The following HTR2C variants were observed in gnomAD, a reference collection of about 807,000 sequenced individuals.
The protein encoded by HTR2C is 5-hydroxytryptamine (serotonin) receptor 2C, G protein-coupled.
A neutral mutation model predicts 21.0 loss-of-function variants in HTR2C; 5 were observed. That is an observed-to-expected ratio of 0.24 (90% CI 0.12 to 0.50). HTR2C has a LOEUF of 0.50. HTR2C is among the 20% of genes least tolerant of loss of function. The pLI is 0.98. For missense variants in HTR2C, 271 were observed against 371.2 expected, an observed-to-expected ratio of 0.73 and a Z score of 2.22; for synonymous variants, 150 against 145.3, an observed-to-expected ratio of 1.03 and a Z score of -0.23.
At chrX:114,904,331 CTG>C (rs1262319388) in intron 5 of HTR2C, among the ~76,000 whole-genome samples, 1 of 111,885 alleles carries the variant, frequency 8.9e-6, no homozygotes, top group African/African-American at 3.2e-5. Context: ...AGCCTGTGGA[CTG>C]TCTTGTTTCA....
At chrX:114,693,731 G>A (rs1449369493) in intron 2 of HTR2C, among the ~76,000 whole-genome samples, 2 of 111,719 alleles carry the variant, frequency 1.8e-5, no homozygotes, top group Admixed American at 9.5e-5. Flanking sequence ...CTGACCTAGA[G>A]CATAAATATT....
chrX:114,591,292 T>C (rs1331202527), intron 1 of HTR2C, among the ~76,000 whole-genome samples: 1 of 111,643 alleles, frequency 9.0e-6, no homozygotes, highest in Non-Finnish European at 1.9e-5. Context: ...ATCTGGTGTC[T>C]CTCCAACAAA....
chrX:114,628,721 T>A (rs1281769598), intron 2 of HTR2C, among the ~76,000 whole-genome samples: 1 of 111,440 alleles, frequency 9.0e-6, no homozygotes, highest in Non-Finnish European at 1.9e-5. Context: ...CAGTAGCACA[T>A]CACCAAAGGT....
intron 5 of HTR2C, among the ~76,000 whole-genome samples, chrX:114,885,598 AAG>A (rs1289946406): frequency 1.8e-5 from 2 of 112,046 alleles, no homozygotes; most frequent in East Asian, 5.6e-4. Context: ...TTTTAAAAGA[AAG>A]AATTTTTCAA....
intron 5 of HTR2C, among the ~76,000 whole-genome samples, chrX:114,883,395 G>A (rs2071196991): frequency 9.1e-6 from 1 of 109,967 alleles, no homozygotes; most frequent in Non-Finnish European, 1.9e-5. Context: ...TTAATTTTCT[G>A]TATTGTTTTA....
chrX:114,895,966 G>A (rs1454138461), intron 5 of HTR2C, among the ~76,000 whole-genome samples: 1 of 107,088 alleles, frequency 9.3e-6, no homozygotes, highest in African/African-American at 3.5e-5. Context: ...TCCAGCCTGG[G>A]CAACAGAGTG....
intron 2 of HTR2C, chrX:114,715,284 G>A (rs782246575): frequency 1.3e-5 from 5 of 385,264 alleles, no homozygotes; most frequent in Non-Finnish European, 2.6e-5. Context: ...CAAGTACCCT[G>A]TGTTATTTGG....
intron 3 of HTR2C, among the ~76,000 whole-genome samples, chrX:114,731,051 A>T (rs1162293487): frequency 9.0e-6 from 1 of 111,641 alleles, no homozygotes; most frequent in East Asian, 2.8e-4. Flanking sequence ...GATTATACAT[A>T]TATGTTTCAG....
chrX:114,775,818 G>A (rs1413436260), intron 4 of HTR2C: 13 of 394,668 alleles, frequency 3.3e-5, no homozygotes, highest in East Asian at 2.2e-4. Context: ...TTGACATCTC[G>A]AATGGCTTTT....
intron 4 of HTR2C, chrX:114,775,998 G>A (rs1355249804): frequency 2.5e-5 from 10 of 402,523 alleles, no homozygotes; most frequent in Middle Eastern, 6.5e-4. Flanking sequence ...GTACAGAGGC[G>A]TCTTATAGCT....
At chrX:114,627,185 C>G (rs1602646263) in intron 2 of HTR2C, among the ~76,000 whole-genome samples, 1 of 111,313 alleles carries the variant, frequency 9.0e-6, no homozygotes, top group Admixed American at 9.6e-5. Flanking sequence ...GAATGTTGTT[C>G]ATTGCCCTAA....
At chrX:114,755,276 C>G (rs960240989) in intron 4 of HTR2C, among the ~76,000 whole-genome samples, 17 of 109,912 alleles carry the variant, frequency 1.5e-4, no homozygotes, top group Non-Finnish European at 1.5e-4. Flanking sequence ...TTTATTGTCT[C>G]CCAGTCCTGG....
chrX:114,808,195 C>T (rs1285465562), intron 4 of HTR2C, among the ~76,000 whole-genome samples: 1 of 110,954 alleles, frequency 9.0e-6, no homozygotes, highest in African/African-American at 3.3e-5. Context: ...ATTTTTTTAG[C>T]TCCCATTTAT....
chrX:114,626,998 AC>A (rs1929403355), intron 2 of HTR2C, among the ~76,000 whole-genome samples: 1 of 111,923 alleles, frequency 8.9e-6, no homozygotes, highest in Admixed American at 9.5e-5. Flanking sequence ...GGCCTACAGA[AC>A]ATAACGTTCT....
chrX:114,873,051 T>C (rs1218874310), intron 5 of HTR2C, among the ~76,000 whole-genome samples: 1 of 112,114 alleles, frequency 8.9e-6, no homozygotes, highest in African/African-American at 3.2e-5. Flanking sequence ...CTTATTCCAC[T>C]ATTCCCACTT....
At chrX:114,748,721 AC>A (rs1359203497) in intron 4 of HTR2C, among the ~76,000 whole-genome samples, 1 of 112,374 alleles carries the variant, frequency 8.9e-6, no homozygotes, top group African/African-American at 3.2e-5. Context: ...TACACCTTCT[AC>A]AAAAATAAAC....
At chrX:114,772,487 T>TA (rs1249617063) in intron 4 of HTR2C, among the ~76,000 whole-genome samples, 3 of 87,671 alleles carry the variant, frequency 3.4e-5, no homozygotes, top group Non-Finnish European at 6.6e-5. Flanking sequence ...CGGGGCGTGG[T>TA]GGGGGGGCCT....
intron 5 of HTR2C, among the ~76,000 whole-genome samples, chrX:114,895,725 C>T (rs1423986732): frequency 3.6e-5 from 4 of 111,572 alleles, no homozygotes; most frequent in Non-Finnish European, 7.5e-5. Context: ...TGGTGGCTCA[C>T]GCCTGTAATC....
intron 4 of HTR2C, among the ~76,000 whole-genome samples, chrX:114,782,976 T>G (rs369419751): frequency 1.5e-4 from 16 of 109,391 alleles, no homozygotes; most frequent in Middle Eastern, 4.9e-3. Flanking sequence ...ACAGAAAAAC[T>G]GAGATGTTAA....
Sources: allele counts gnomAD v4.1 joint callset (sites outside exome capture counted in the v4.1 genomes callset), GRCh38; gene constraint gnomAD v4.1.1; transcripts MANE v1.5; gene names NCBI Gene and HGNC (gene_info 2026-07-23, HGNC 2026-07-21).